The following CCDC28A variants were observed in gnomAD, a reference collection of about 807,000 sequenced individuals.
The protein encoded by CCDC28A is coiled-coil domain-containing protein 28A.
In CCDC28A, 24 loss-of-function variants were observed where a neutral mutation model predicts 22.1. That is an observed-to-expected ratio of 1.09 (90% CI 0.79 to 1.53). The LOEUF (loss-of-function observed/expected upper bound fraction) is 1.53. Ranked by LOEUF, CCDC28A falls within the 40% of genes most tolerant of loss-of-function variation. The pLI is 0.00. For synonymous variants in CCDC28A, 83 were observed against 74.7 expected (o/e 1.11, Z -0.57); for missense variants, 170 against 210.7 (o/e 0.81, Z 1.20).
At chr6:138,778,650 GAAGAT>G (rs1432483621) in intron 2 of CCDC28A, among the ~76,000 whole-genome samples, 5 of 152,282 alleles carry the variant, frequency 3.3e-5, no homozygotes, top group Non-Finnish European at 5.9e-5. Context: ...TAGCACGTAA[GAAGAT>G]AAGATAATGG....
chr6:138,781,050 A>G (rs1775014184), intron 3 of CCDC28A, among the ~76,000 whole-genome samples: 2 of 151,898 alleles, frequency 1.3e-5, no homozygotes, highest in African/African-American at 4.8e-5. Flanking sequence ...TAACTTCCCC[A>G]TTCCCTCTTA....
intron 2 of CCDC28A, among the ~76,000 whole-genome samples, chr6:138,776,631 T>G (rs1774937955): frequency 6.6e-6 from 1 of 152,000 alleles, no homozygotes; most frequent in South Asian, 2.1e-4. Flanking sequence ...TTCTCTAAGC[T>G]GAGTGTTTGT....
chr6:138,782,194 C>T (rs1298633477), intron 3 of CCDC28A, among the ~76,000 whole-genome samples: 1 of 152,128 alleles, frequency 6.6e-6, no homozygotes, highest in African/African-American at 2.4e-5. Context: ...GAAGTCCTTT[C>T]TTGTCTTTGT....
chr6:138,783,903 G>T (rs1254092943), intron 3 of CCDC28A, among the ~76,000 whole-genome samples: 4 of 145,358 alleles, frequency 2.8e-5, no homozygotes, highest in Non-Finnish European at 6.0e-5. Flanking sequence ...TTGAGACAGG[G>T]TCTCGCTCTG....
intron 1 of CCDC28A, among the ~76,000 whole-genome samples, 162 bp from the exon 2 acceptor site, chr6:138,775,917 T>G (rs2114899210): frequency 6.6e-6 from 1 of 152,324 alleles, no homozygotes; most frequent in South Asian, 2.1e-4. Context: ...GGCTTATGGG[T>G]ACATAGTAGA....
chr6:138,773,947 G>C (rs1334001958), intron 1 of CCDC28A, 45 bp downstream of exon 1: 1 of 1,601,600 alleles, frequency 6.2e-7, no homozygotes. Flanking sequence ...GCCCCTTTAG[G>C]CCCTTCCCAC....
In CCDC28A at chr6:138,780,782, AG is replaced by A. The variant is rs528321345; in HGVS notation, c.322+799del. On this transcript the variant is annotated intron_variant, in intron 3 of 5. Transcript: ENST00000617445. The stretch of plus-strand genomic sequence containing the variant: ...GAGACGGAGTTTCACCGTGTTAGCC[AG>A]GATGGGTCTCCATCTCCTGACCTTG... Among the ~76,000 whole-genome samples, 1,416 of 152,276 alleles carry A rather than the reference AG, an allele frequency of 9.3e-3. 10 individuals carry two copies. Among genetic ancestry groups the A allele is most frequent in the South Asian group, 0.033 (160 of 4,826 alleles).
chr6:138,782,721 A>G (rs1434913781), intron 3 of CCDC28A, among the ~76,000 whole-genome samples: 1 of 152,206 alleles, frequency 6.6e-6, no homozygotes, highest in South Asian at 2.1e-4. Context: ...AGGAAATATG[A>G]CATATTTTAC....
In CCDC28A at chr6:138,785,347, C is replaced by G. The variant is rs1320814784; in HGVS notation, c.443C>G (p.Ala148Gly). The change falls in exon 4 of 6, where the codon GCC (alanine) becomes GGC (glycine). Residue 148 changes from alanine (A) to glycine (G), a missense_variant. By Grantham distance (60) the Ala-to-Gly change is moderately conservative. Transcript: ENST00000617445. Reference sequence around the variant, plus strand: ...CTTCCTGAGGATAAGAGAAAAACAGCCAGTGACTCCAATCTGGATAGGCTT... The same window carrying G: ...CTTCCTGAGGATAAGAGAAAAACAGGCAGTGACTCCAATCTGGATAGGCTT... ...EELPEDKRKT[A>G]SDSNLDRLLS... is the part of the protein sequence containing the mutation. 1 of 1,613,294 alleles carries G rather than the reference C, an allele frequency of 6.2e-7. No homozygotes were observed. The highest frequency in any genetic ancestry group is 8.5e-7 in the Non-Finnish European group (1 of 1,179,342).
chr6:138,783,689 C>T (rs551299800), intron 3 of CCDC28A, among the ~76,000 whole-genome samples: 243 of 151,990 alleles, frequency 1.6e-3, no homozygotes, highest in African/African-American at 5.3e-3. Flanking sequence ...CCACCCGCCT[C>T]GGCCTCCCAA....
At chr6:138,787,619 G>C (rs1224157981) in intron 4 of CCDC28A, among the ~76,000 whole-genome samples, 1 of 152,046 alleles carries the variant, frequency 6.6e-6, no homozygotes, top group African/African-American at 2.4e-5. Context: ...TATTAGAGAT[G>C]ATTGTTATTA....
Position 138,784,536 on chromosome 6 carries a change from T to A in CCDC28A, c.323-691T>A, listed in dbSNP as rs537868851. Among the ~76,000 whole-genome samples, 235 of 151,512 alleles carry A rather than the reference T, an allele frequency of 1.6e-3. 1 individual carries two copies. The highest frequency in any genetic ancestry group is 4.5e-3 in the African/African-American group (187 of 41,328). On this transcript the variant is annotated intron_variant, in intron 3 of 5. Transcript: ENST00000617445. ...TAGTTAATGCGTGTTTTTTAAAAAA[T>A]TTTTTTGTAGGGGTAGGGTCTTGCC...
At chr6:138,774,003 CG>C in intron 1 of CCDC28A, 101 bp downstream of exon 1, 1 of 1,399,372 alleles carries the variant, frequency 7.1e-7, no homozygotes, top group Non-Finnish European at 9.8e-7. Flanking sequence ...GTCATCGCTT[CG>C]GTAGATTGGG....
intron 5 of CCDC28A, among the ~76,000 whole-genome samples, chr6:138,789,193 AACAGGC>A (rs1775135713): frequency 6.6e-6 from 1 of 152,234 alleles, no homozygotes; most frequent in Non-Finnish European, 1.5e-5. Context: ...TTTTGAACAT[AACAGGC>A]ACAATGGTAA....
chr6:138,783,400 C>G (rs2114906141), intron 3 of CCDC28A, among the ~76,000 whole-genome samples: 1 of 147,284 alleles, frequency 6.8e-6, no homozygotes, highest in East Asian at 2.0e-4. Flanking sequence ...TCCCAAGTAG[C>G]TGGTACTGCA....
At position 138,780,833 on chromosome 6, in the gene CCDC28A, A is replaced by G. The variant is rs150273133; in HGVS notation, c.322+848A>G. Reference sequence around the variant, plus strand: ...GTGATCTGCCCGCCTCGGCCTCCCAAGGTGCTGGGATCGCAGGCGTGAGCC... The same window carrying G: ...GTGATCTGCCCGCCTCGGCCTCCCAGGGTGCTGGGATCGCAGGCGTGAGCC... On this transcript the variant is annotated intron_variant, in intron 3 of 5. Coordinates refer to ENST00000617445, the MANE Select transcript of CCDC28A (RefSeq NM_015439.3). Among the ~76,000 whole-genome samples the G allele has an allele frequency of 7.3e-3, 1,108 of 152,232 alleles. 11 individuals are homozygous for G. Among genetic ancestry groups the G allele is most frequent in the African/African-American group, 0.026 (1,070 of 41,518 alleles).
At position 138,776,112 on chromosome 6, in the gene CCDC28A, CT is replaced by C; in HGVS notation, c.-7del. 1 of 1,614,066 alleles carries C rather than the reference CT, an allele frequency of 6.2e-7. No homozygotes were observed. The highest frequency in any genetic ancestry group is 2.2e-5 in the East Asian group (1 of 44,874). On this transcript the variant is annotated 5_prime_UTR_variant, in exon 2 of 6. Transcript: ENST00000617445. The stretch of plus-strand genomic sequence containing the variant: ...AAGCTGGCCGTGGTGCAATAAGGAA[CT>C]TAAAACAATGGAAGAGCGGAAAGTG...
intron 1 of CCDC28A, among the ~76,000 whole-genome samples, chr6:138,775,832 T>G (rs1386418987): frequency 1.3e-5 from 2 of 152,120 alleles, no homozygotes; most frequent in African/African-American, 4.8e-5. Context: ...TCAGTAAATA[T>G]TTGTAGGATG....
intron 3 of CCDC28A, among the ~76,000 whole-genome samples, chr6:138,784,347 C>CTTTT: frequency 1.5e-5 from 1 of 68,696 alleles, no homozygotes; most frequent in African/African-American, 5.3e-5. Context: ...TTTCTTTTCT[C>CTTTT]TTTTTCTTTT....
Sources: gnomAD v4.1 joint callset for allele counts (sites outside exome capture counted in the v4.1 genomes callset) on GRCh38, gnomAD v4.1.1 for gene constraint, MANE v1.5 for transcripts, NCBI Gene and HGNC (gene_info 2026-07-23, HGNC 2026-07-21) for gene names.